The following ATP13A3 variants were observed in gnomAD, a reference collection of about 807,000 sequenced individuals.
ATP13A3 encodes polyamine-transporting ATPase 13A3.
ATP13A3 carries 59 observed loss-of-function variants against 158.1 expected under a neutral mutation model. That is an observed-to-expected ratio of 0.37 (90% CI 0.30 to 0.46). The LOEUF (loss-of-function observed/expected upper bound fraction) is 0.46, where lower values mean the gene tolerates loss of function less well. ATP13A3 is among the 20% of genes least tolerant of loss of function. ATP13A3 has a pLI of 1.00. For synonymous variants in ATP13A3, 491 were observed against 504.3 expected (o/e 0.97, Z 0.35); for missense variants, 1,166 against 1,525.2 (o/e 0.76, Z 3.92).
chr3:194,429,793 T>C lies in ATP13A3; in HGVS notation c.2778-19A>G, dbSNP rs199738232. On this transcript the variant is annotated intron_variant, in intron 26 of 33. Coordinates refer to ENST00000645319, the MANE Select transcript of ATP13A3 (RefSeq NM_001367549.1). ...GCCTTCCCTGTGAAAAGAAATCAAA[T>C]GTCGGCATATGAATAGAAGCATTTT... 7.2e-5 allele frequency: 115 copies of C among 1,598,416 alleles called. No individual in the cohort carries two copies. The highest frequency in any genetic ancestry group is 9.3e-5 in the Non-Finnish European group (109 of 1,167,606).
intron 2 of ATP13A3, among the ~76,000 whole-genome samples, chr3:194,463,351 AG>A (rs1392940303): frequency 2.6e-5 from 4 of 151,982 alleles, no homozygotes; most frequent in Non-Finnish European, 4.4e-5. Context: ...GAAATTTGCA[AG>A]ATGTAAAACG....
At chr3:194,469,373 T>C (rs532416911) in intron 2 of ATP13A3, among the ~76,000 whole-genome samples, 7 of 151,744 alleles carry the variant, frequency 4.6e-5, no homozygotes, top group East Asian at 3.9e-4. Context: ...GGCAGGAGAA[T>C]TGCTTGAACC....
At chr3:194,446,250 A>T (rs1364476102) in intron 14 of ATP13A3, among the ~76,000 whole-genome samples, 2 of 151,928 alleles carry the variant, frequency 1.3e-5, no homozygotes, top group Non-Finnish European at 2.9e-5. Context: ...TGGTGGGGAG[A>T]GCTGAGGCCC....
chr3:194,416,547 T>C (rs1715869808), intron 31 of ATP13A3, among the ~76,000 whole-genome samples: 1 of 152,150 alleles, frequency 6.6e-6, no homozygotes, highest in African/African-American at 2.4e-5. Flanking sequence ...ATAAAGACTA[T>C]ACACTAGAAA....
chr3:194,489,960 T>C (rs1721125996), upstream of ATP13A3, among the ~76,000 whole-genome samples: 1 of 152,160 alleles, frequency 6.6e-6, no homozygotes, highest in African/African-American at 2.4e-5. This position sits in a 1 kb window ranked among gnomAD's most constrained non-coding sequence, Gnocchi z 4.1. Context: ...GTCATGATGA[T>C]TCTGGGTCCA....
intron 20 of ATP13A3, among the ~76,000 whole-genome samples, chr3:194,436,211 T>C (rs1257860108): frequency 3.3e-5 from 5 of 152,186 alleles, no homozygotes; most frequent in Non-Finnish European, 7.3e-5. Flanking sequence ...CACTCCTTTC[T>C]GCTTACAAAA....
intron 1 of ATP13A3, among the ~76,000 whole-genome samples, 167 bp from the exon 2 acceptor site, chr3:194,486,002 G>A (rs1404210756): frequency 2.6e-5 from 4 of 152,062 alleles, no homozygotes; most frequent in Non-Finnish European, 4.4e-5. Context: ...CTGACTCTGT[G>A]AAGGGAATGG....
chr3:194,448,486 T>G lies in ATP13A3; in HGVS notation c.1121A>C (p.Glu374Ala). The G allele has an allele frequency of 6.2e-7, 1 of 1,614,108 alleles. No homozygotes were observed. ...TVIQTRFYTG[E>A]LVKAIVVRTG... ...TCTAACAACTATGGCTTTGACGAGTTCTCCAGTGTAGAAACGAGTCTGAAT... is the reference window on the plus strand; with the variant it reads ...TCTAACAACTATGGCTTTGACGAGTGCTCCAGTGTAGAAACGAGTCTGAAT... The change falls in exon 12 of 34, where the codon GAA becomes GCA. Residue 374 changes from glutamate to alanine, a missense_variant. Around this residue, in one of 3 missense-constraint regions of ATP13A3, gnomAD observed 997 missense variants for 1,341.2 expected, o/e 0.74. Coordinates refer to ENST00000645319, the MANE Select transcript of ATP13A3 (RefSeq NM_001367549.1). This position sits in a 1 kb window ranked among gnomAD's most constrained non-coding sequence, Gnocchi z 4.0.
chr3:194,421,286 G>A (rs1716348363), intron 30 of ATP13A3, among the ~76,000 whole-genome samples: 1 of 145,666 alleles, frequency 6.9e-6, no homozygotes, highest in Non-Finnish European at 1.5e-5. Flanking sequence ...GGGCACGGTG[G>A]CTCACGCCTG....
intron 33 of ATP13A3, among the ~76,000 whole-genome samples, chr3:194,407,448 T>G (rs1715016634): frequency 1.3e-5 from 2 of 152,222 alleles, no homozygotes; most frequent in African/African-American, 4.8e-5. Flanking sequence ...TACTTTAAAA[T>G]TAAAGCTCTT....
chr3:194,410,390 C>A (rs1262777811), intron 33 of ATP13A3, among the ~76,000 whole-genome samples: 1 of 138,438 alleles, frequency 7.2e-6, no homozygotes, highest in African/African-American at 2.6e-5. Context: ...CATGGTGAAA[C>A]CCTATCTCTA....
intron 2 of ATP13A3, among the ~76,000 whole-genome samples, chr3:194,493,454 C>T (rs1383194015): frequency 6.6e-6 from 1 of 152,050 alleles, no homozygotes; most frequent in African/African-American, 2.4e-5. Flanking sequence ...CGAGACCAGC[C>T]TGGCCAACAT....
chr3:194,405,155 T>A lies in ATP13A3; in HGVS notation c.*764A>T, dbSNP rs1252466170. On this transcript the variant is annotated 3_prime_UTR_variant, in exon 34 of 34. Coordinates refer to ENST00000645319, the MANE Select transcript of ATP13A3 (RefSeq NM_001367549.1). ...TCTTATTTCCTAGTGAAAAAGGTTC[T>A]ACAACATTTAACAGAAGCAAATTAG... is the stretch of plus-strand genomic sequence containing the variant. The A allele has an allele frequency of 6.6e-6, 1 of 152,244 alleles. No individual in the cohort carries two copies. Among genetic ancestry groups the A allele is most frequent in the South Asian group, 2.1e-4 (1 of 4,830 alleles). 9.4% of individuals were successfully genotyped at this position (152,244 alleles called of 1,614,324 possible).
Position 194,441,422 on chromosome 3 carries a change from C to T in ATP13A3, c.1599G>A (p.Leu533=), listed in dbSNP as rs1577060173. The T allele has an allele frequency of 6.2e-7, 1 of 1,613,452 alleles. No homozygotes were observed. Among genetic ancestry groups the T allele is most frequent in the Non-Finnish European group, 8.5e-7 (1 of 1,179,546 alleles). Residue 533 remains leucine, a synonymous_variant, in exon 16 of 34, where the codon TTG becomes TTA. Coordinates refer to ENST00000645319, the MANE Select transcript of ATP13A3 (RefSeq NM_001367549.1). The part of the protein sequence containing the change: ...SPEENVCNEM[L]VKSQFVACMA... ...TACAAGCAACAAACTGGGATTTTAC[C>T]AACATCTCATTGCACACATTTTCTT...
chr3:194,439,884 G>C (rs1378892521), intron 16 of ATP13A3, among the ~76,000 whole-genome samples: 2 of 152,210 alleles, frequency 1.3e-5, no homozygotes, highest in African/African-American at 4.8e-5. Context: ...CTATTCAGTT[G>C]GAGAAAAGCT....
chr3:194,426,931 G>T, intron 29 of ATP13A3, 144 bp downstream of exon 29: 2 of 771,416 alleles, frequency 2.6e-6, no homozygotes, highest in Non-Finnish European at 4.0e-6. Flanking sequence ...TGATCTACCT[G>T]CCTCGGCCTC....
intron 2 of ATP13A3, among the ~76,000 whole-genome samples, chr3:194,462,581 G>C (rs140987450): frequency 6.6e-6 from 1 of 152,182 alleles, no homozygotes; most frequent in South Asian, 2.1e-4. Context: ...CTCCCCACCC[G>C]TAACTGTCTT....
chr3:194,487,831 GTTC>G (rs762312010), upstream of ATP13A3: 15 of 152,384 alleles, frequency 9.8e-5, no homozygotes, highest in Admixed American at 3.3e-4. Flanking sequence ...CTCCGTGACT[GTTC>G]TTCTTGCCGC....
chr3:194,405,913 T>G lies in ATP13A3; in HGVS notation c.*6A>C. The G allele has an allele frequency of 6.2e-7, 1 of 1,613,412 alleles. No individual in the cohort carries two copies. Among genetic ancestry groups the G allele is most frequent in the Non-Finnish European group, 8.5e-7 (1 of 1,179,336 alleles). On this transcript the variant is annotated 3_prime_UTR_variant, in exon 34 of 34. Coordinates refer to ENST00000645319, the MANE Select transcript of ATP13A3 (RefSeq NM_001367549.1). Reference sequence around the variant, plus strand: ...TATCAGCAATACCACTGAGACTGATTCACTGCTATGTTATGGTGATGATTT... The same window carrying G: ...TATCAGCAATACCACTGAGACTGATGCACTGCTATGTTATGGTGATGATTT...
Sources: gnomAD v4.1 joint callset for allele counts (sites outside exome capture counted in the v4.1 genomes callset) on GRCh38, gnomAD v4.1.1 for gene constraint, gnomAD v4.1.1 regional missense constraint, Gnocchi (gnomAD v3.1) non-coding constraint, MANE v1.5 for transcripts, NCBI Gene and HGNC (gene_info 2026-07-23, HGNC 2026-07-21) for gene names.